XYLB: variants seen among roughly 807,000 people sequenced by gnomAD.
XYLB encodes the protein xylulose kinase.
Under a neutral mutation model 78.7 loss-of-function variants are expected in XYLB, and 62 were observed. The observed-to-expected ratio is 0.79, with a 90% CI of 0.64 to 0.97. The LOEUF is 0.97. Ranked by LOEUF, XYLB falls within the 50% of genes least tolerant of loss-of-function variation. XYLB has a pLI of 0.00. For missense variants in XYLB, 687 were observed against 676.8 expected, an observed-to-expected ratio of 1.02 and a Z score of -0.17; for synonymous variants, 245 against 247.4, an observed-to-expected ratio of 0.99 and a Z score of 0.09.
At chr3:38,365,521 G>A in intron 5 of XYLB, 87 bp from the exon 6 acceptor site, 16 of 1,538,410 alleles carry the variant, frequency 1.0e-5, no homozygotes, top group East Asian at 2.3e-5. Context: ...CATGACTGCC[G>A]TGATGGGCAG....
downstream of XYLB, among the ~76,000 whole-genome samples, chr3:38,416,911 C>T (rs55780523): frequency 2.7e-3 from 413 of 152,222 alleles, 7 homozygotes; most frequent in African/African-American, 9.2e-3. Flanking sequence ...TCATTGTTTC[C>T]GTTGTGTTAC....
At chr3:38,440,810 CTCTT>C in the XYLB span, among the ~76,000 whole-genome samples, 18 of 151,926 alleles carry the variant, frequency 1.2e-4, no homozygotes, top group African/African-American at 4.4e-4. Flanking sequence ...CTATCTCTCT[CTCTT>C]TCTCTCTCTT....
At chr3:38,374,319 C>A in intron 10 of XYLB, 143 bp from the exon 11 acceptor site, 1 of 1,178,446 alleles carries the variant, frequency 8.5e-7, no homozygotes, top group Non-Finnish European at 1.2e-6. Flanking sequence ...CCTGAGCGCT[C>A]AGCTCCCCTG....
chr3:38,440,405 A>G, the XYLB span, among the ~76,000 whole-genome samples: 2 of 152,208 alleles, frequency 1.3e-5, no homozygotes, highest in Non-Finnish European at 1.5e-5. Flanking sequence ...GAGCAGACCA[A>G]TTATTAAGCA....
At chr3:38,355,980 G>A in intron 2 of XYLB, 2 of 569,432 alleles carry the variant, frequency 3.5e-6, no homozygotes, top group East Asian at 2.9e-5. Context: ...GCCAGGTGTG[G>A]TCGCTCACGC....
chr3:38,365,355 C>A, intron 5 of XYLB, 70 bp downstream of exon 5: 1 of 1,524,762 alleles, frequency 6.6e-7, no homozygotes, highest in East Asian at 2.3e-5. Flanking sequence ...GTCCTGAAGC[C>A]TGCTCATCTC....
At chr3:38,379,111 A>C (rs897565622) in intron 14 of XYLB, 135 bp from the exon 15 acceptor site, 1 of 780,908 alleles carries the variant, frequency 1.3e-6, no homozygotes, top group African/African-American at 1.7e-5. Context: ...ACAGGCAAAG[A>C]TAGTGGTTAA....
At position 38,362,965 on chromosome 3, in the gene XYLB, A is replaced by G; in HGVS notation, c.239A>G (p.Lys80Arg). Residue 80 changes from lysine to arginine, a missense_variant, in exon 4 of 19, where the codon AAG (lysine) becomes AGG (arginine). Transcript: ENST00000207870. ...QALDIILEKM[K>R]ASGFDFSQVL... ...CTGGATATCATCTTGGAGAAGATGA[A>G]GGCTTCGGGCTTCGACTTCTCTCAA... is the stretch of plus-strand genomic sequence containing the variant. 1 of 1,585,194 alleles carries G rather than the reference A, an allele frequency of 6.3e-7. No homozygotes were observed. Among genetic ancestry groups the G allele is most frequent in the Non-Finnish European group, 8.6e-7 (1 of 1,164,710 alleles).
the XYLB span, among the ~76,000 whole-genome samples, chr3:38,449,588 A>G: frequency 6.6e-6 from 1 of 152,198 alleles, no homozygotes; most frequent in Non-Finnish European, 1.5e-5. Flanking sequence ...AGATTTTGAA[A>G]GATTCAAAAA....
At chr3:38,389,734 G>A (rs182582223) in intron 15 of XYLB, among the ~76,000 whole-genome samples, 78 of 152,274 alleles carry the variant, frequency 5.1e-4, no homozygotes, top group African/African-American at 1.7e-3. Flanking sequence ...TCAAGTCTTT[G>A]GGACCTAACC....
chr3:38,443,401 C>T, the XYLB span, among the ~76,000 whole-genome samples: 455 of 152,034 alleles, frequency 3.0e-3, 1 homozygote, highest in Non-Finnish European at 5.2e-3. Flanking sequence ...TGGACATGGG[C>T]GAGGGGGAAG....
chr3:38,365,859 CA>C (rs1406821181), intron 6 of XYLB, 123 bp downstream of exon 6: 11 of 1,391,882 alleles, frequency 7.9e-6, no homozygotes, highest in Non-Finnish European at 1.0e-5. Flanking sequence ...CAGCAACAGG[CA>C]CTCTGGCCCC....
At chr3:38,403,464 A>C (rs932022496) in intron 18 of XYLB, among the ~76,000 whole-genome samples, 1 of 152,212 alleles carries the variant, frequency 6.6e-6, no homozygotes, top group African/African-American at 2.4e-5. Context: ...TGTGCTCCAC[A>C]TGGTGACAGG....
chr3:38,417,636 C>A (rs1708839801), downstream of XYLB, among the ~76,000 whole-genome samples: 1 of 152,084 alleles, frequency 6.6e-6, no homozygotes, highest in Non-Finnish European at 1.5e-5. Flanking sequence ...AATCGCAGCA[C>A]TTTGAGAGGC....
At chr3:38,406,591 C>T (rs1053532773) in intron 18 of XYLB, among the ~76,000 whole-genome samples, 13 of 152,212 alleles carry the variant, frequency 8.5e-5, no homozygotes, top group South Asian at 8.3e-4. Flanking sequence ...CTCTGAGCTA[C>T]AGGAGGAAAT....
the XYLB span, among the ~76,000 whole-genome samples, chr3:38,445,686 G>A: frequency 6.6e-6 from 1 of 152,190 alleles, no homozygotes; most frequent in Admixed American, 6.5e-5. Context: ...TACAGGAAAA[G>A]TGGAAGCTGG....
chr3:38,346,978 G>T (rs1404459338), intron 1 of XYLB, 53 bp downstream of exon 1: 22 of 1,378,894 alleles, frequency 1.6e-5, no homozygotes, highest in Non-Finnish European at 1.9e-6. Flanking sequence ...CTTCGGTGGG[G>T]GTAGGGGGCG....
In XYLB at chr3:38,362,967, G is replaced by T. The variant is rs140507305; in HGVS notation, c.241G>T (p.Ala81Ser). Reference sequence around the variant, plus strand: ...GGATATCATCTTGGAGAAGATGAAGGCTTCGGGCTTCGACTTCTCTCAAGT... The same window carrying T: ...GGATATCATCTTGGAGAAGATGAAGTCTTCGGGCTTCGACTTCTCTCAAGT... Reference protein sequence around the residue: ...ALDIILEKMKASGFDFSQVLA... With the variant: ...ALDIILEKMKSSGFDFSQVLA... The change falls in exon 4 of 19, where the codon GCT becomes TCT. Residue 81 changes from alanine to serine, a missense_variant. By Grantham distance (99) the Ala-to-Ser change is moderately conservative. Coordinates refer to ENST00000207870, the MANE Select transcript of XYLB (RefSeq NM_005108.4). The T allele has an allele frequency of 4.4e-6, 7 of 1,585,464 alleles. No individual in the cohort carries two copies. Among genetic ancestry groups the T allele is most frequent in the African/African-American group, 2.7e-5 (2 of 73,828 alleles).
chr3:38,434,790 C>T, the XYLB span, among the ~76,000 whole-genome samples: 29 of 152,152 alleles, frequency 1.9e-4, no homozygotes, highest in African/African-American at 5.8e-4. Context: ...CCTCATATAT[C>T]AATAATAACC....
Sources: allele counts gnomAD v4.1 joint callset (sites outside exome capture counted in the v4.1 genomes callset), GRCh38; gene constraint gnomAD v4.1.1; transcripts MANE v1.5; gene names NCBI Gene and HGNC (gene_info 2026-07-23, HGNC 2026-07-21).